SPAST: variants seen among roughly 807,000 people sequenced by gnomAD.
SPAST encodes spastin.
Under a neutral mutation model 76.6 loss-of-function variants are expected in SPAST, and 30 were observed. The observed-to-expected ratio is 0.39, with a 90% confidence interval of 0.29 to 0.53. SPAST has a LOEUF of 0.53. SPAST is among the 20% of genes least tolerant of loss of function. The pLI, the probability that SPAST is intolerant of heterozygous loss-of-function variation, is 0.68. For missense variants in SPAST, 717 were observed against 770.5 expected, an observed-to-expected ratio of 0.93 and a Z score of 0.82; for synonymous variants, 305 against 281.0, an observed-to-expected ratio of 1.09 and a Z score of -0.86.
At chr2:32,082,893 C>T (rs1039962065) in intron 1 of SPAST, among the ~76,000 whole-genome samples, 3 of 152,124 alleles carry the variant, frequency 2.0e-5, no homozygotes, top group African/African-American at 7.2e-5. Context: ...TGTGGAGATA[C>T]CACAATTTGT....
chr2:32,104,487 T>C (rs1678243731), intron 4 of SPAST, among the ~76,000 whole-genome samples: 1 of 152,228 alleles, frequency 6.6e-6, no homozygotes, highest in African/African-American at 2.4e-5. Context: ...AATTTGATCC[T>C]GTCATTATGA....
chr2:32,117,070 C>G (rs1047616733), intron 7 of SPAST, among the ~76,000 whole-genome samples: 2 of 151,942 alleles, frequency 1.3e-5, no homozygotes, highest in Non-Finnish European at 2.9e-5. Flanking sequence ...ACCATCCTGG[C>G]TAATATGGTG....
At chr2:32,109,506 A>G (rs566498374) in intron 4 of SPAST, among the ~76,000 whole-genome samples, 2 of 151,976 alleles carry the variant, frequency 1.3e-5, no homozygotes, top group African/African-American at 2.4e-5. Flanking sequence ...TTGGTTTCAT[A>G]TACAGTGTTT....
chr2:32,147,197 C>T (rs899522088), intron 15 of SPAST, 21 bp from the exon 16 acceptor site: 19 of 1,595,052 alleles, frequency 1.2e-5, no homozygotes, highest in Non-Finnish European at 1.6e-5. Context: ...TTTTTAAGTG[C>T]CTGACTTTTA....
chr2:32,139,753 C>CAGG (rs1679655360), intron 12 of SPAST, among the ~76,000 whole-genome samples: 1 of 151,532 alleles, frequency 6.6e-6, no homozygotes, highest in South Asian at 2.1e-4. Context: ...TGCTTGAACC[C>CAGG]AGGAGGCATA....
chr2:32,125,698 C>T (rs968463277), intron 7 of SPAST, among the ~76,000 whole-genome samples: 7 of 152,104 alleles, frequency 4.6e-5, no homozygotes, highest in Non-Finnish European at 5.9e-5. Flanking sequence ...CTTTAGAGAA[C>T]GAAACTCCTG....
chr2:32,081,781 C>CAAAAAAAAAAAAAAAAAAAAAAA (rs34078147), intron 1 of SPAST, among the ~76,000 whole-genome samples: 8 of 44,384 alleles, frequency 1.8e-4, no homozygotes, highest in East Asian at 9.4e-4. Flanking sequence ...GAGACACTGT[C>CAAAAAAAAAAAAAAAAAAAAAAA]AAAAAAAAAA....
At position 32,064,102 on chromosome 2, in the gene SPAST, A is replaced by C; in HGVS notation, c.271A>C (p.Arg91=). ...RFSRALMAAK[R]SSGAAPAPAS... ...CTCCCGCGCCCTCATGGCAGCCAAG[A>C]GGAGCTCCGGGGCCGCGCCAGCACC... is the stretch of plus-strand genomic sequence containing the variant. Residue 91 remains arginine, a synonymous_variant, in exon 1 of 17, where the codon AGG becomes CGG. Transcript: ENST00000315285. 2 of 1,607,652 alleles carry C rather than the reference A, an allele frequency of 1.2e-6. No individual in the cohort carries two copies. Among genetic ancestry groups the C allele is most frequent in the Non-Finnish European group, 1.7e-6 (2 of 1,177,560 alleles).
chr2:32,083,215 C>T (rs747932160), intron 1 of SPAST, among the ~76,000 whole-genome samples: 3 of 152,028 alleles, frequency 2.0e-5, no homozygotes, highest in Non-Finnish European at 4.4e-5. Flanking sequence ...CTTGGTCTCC[C>T]AAAATGCTGG....
chr2:32,064,265 GAGGGGGCGGCGGC>G lies in SPAST; in HGVS notation c.415+20_415+32del. 6 of 1,528,566 alleles carry G rather than the reference GAGGGGGCGGCGGC, an allele frequency of 3.9e-6. No individual in the cohort carries two copies. Among genetic ancestry groups the G allele is most frequent in the Non-Finnish European group, 5.3e-6 (6 of 1,131,484 alleles). 94.7% of individuals were successfully genotyped at this position (1,528,566 alleles called of 1,614,324 possible). A position where few individuals can be genotyped will look rare whatever the true frequency, so the allele number is the denominator to read the frequency against. ...GAGAAAGGTAACTAGGGGGCTGGGG[GAGGGGGCGGCGGC>G]GCCGGGAAGAAGGCGGTGGGGTCGC... On this transcript the variant is annotated intron_variant, in intron 1 of 16. Coordinates refer to ENST00000315285, the MANE Select transcript of SPAST (RefSeq NM_014946.4).
chr2:32,123,778 T>G (rs1679100977), intron 7 of SPAST, among the ~76,000 whole-genome samples: 1 of 152,174 alleles, frequency 6.6e-6, no homozygotes, highest in Non-Finnish European at 1.5e-5. Flanking sequence ...GGAGAAAAGA[T>G]AGCCTTTTCA....
intron 7 of SPAST, among the ~76,000 whole-genome samples, chr2:32,122,982 C>G (rs987171026): frequency 3.3e-5 from 5 of 152,098 alleles, no homozygotes; most frequent in Admixed American, 1.3e-4. Context: ...CACAATACTG[C>G]TGGGTGCAGT....
intron 15 of SPAST, among the ~76,000 whole-genome samples, chr2:32,146,908 C>CA (rs957381369): frequency 1.2e-4 from 6 of 51,310 alleles, no homozygotes; most frequent in African/African-American, 3.4e-4. Flanking sequence ...AGAGTAAAAA[C>CA]AAAAAAAGAC....
chr2:32,087,401 C>G (rs1311380891), intron 1 of SPAST, 91 bp from the exon 2 acceptor site: 10 of 739,666 alleles, frequency 1.4e-5, no homozygotes, highest in Middle Eastern at 2.7e-4. Flanking sequence ...GTTCACAACC[C>G]TGTTTTTTAT....
At chr2:32,078,989 C>T (rs1218641178) in intron 1 of SPAST, among the ~76,000 whole-genome samples, 1 of 152,022 alleles carries the variant, frequency 6.6e-6, no homozygotes, top group Non-Finnish European at 1.5e-5. Flanking sequence ...AGGTACATGT[C>T]ACCACGCCCG....
At chr2:32,087,678 TC>T in intron 2 of SPAST, 100 bp downstream of exon 2, 1 of 365,654 alleles carries the variant, frequency 2.7e-6, no homozygotes, top group Non-Finnish European at 4.5e-6. Context: ...TTTCTTTCTT[TC>T]TTTTCTTTTC....
chr2:32,086,557 T>C (rs993480658), intron 1 of SPAST, among the ~76,000 whole-genome samples: 3 of 151,534 alleles, frequency 2.0e-5, no homozygotes, highest in South Asian at 2.1e-4. Context: ...GAGTTCAAGA[T>C]CAGCCTGGCC....
At chr2:32,097,557 T>G (rs1410408138) in intron 3 of SPAST, among the ~76,000 whole-genome samples, 1 of 152,166 alleles carries the variant, frequency 6.6e-6, no homozygotes, top group East Asian at 1.9e-4. Context: ...TTATTTGACT[T>G]TGCTTTATTG....
intron 3 of SPAST, among the ~76,000 whole-genome samples, chr2:32,093,636 G>C (rs1677809015): frequency 6.6e-6 from 1 of 152,012 alleles, no homozygotes; most frequent in African/African-American, 2.4e-5. Flanking sequence ...CTCCCTGTTG[G>C]AATATAAACT....
Sources: gnomAD v4.1 joint callset for allele counts (sites outside exome capture counted in the v4.1 genomes callset) on GRCh38, gnomAD v4.1.1 for gene constraint, MANE v1.5 for transcripts, NCBI Gene and HGNC (gene_info 2026-07-23, HGNC 2026-07-21) for gene names.